The following RMDN1 variants were observed in gnomAD, a reference collection of about 807,000 sequenced individuals.
The protein encoded by RMDN1 is regulator of microtubule dynamics 1, also known as regulator of microtubule dynamics protein 1.
In RMDN1, 48 loss-of-function variants were observed where a neutral mutation model predicts 48.9. That is an observed-to-expected ratio of 0.98 (90% confidence interval 0.78 to 1.25). RMDN1 has a LOEUF of 1.25. RMDN1 is among the 50% of genes most tolerant of loss of function. RMDN1 has a pLI of 0.00. For synonymous variants in RMDN1, 148 were observed against 132.6 expected (o/e 1.12, Z -0.80); for missense variants, 418 against 373.4 (o/e 1.12, Z -0.98).
Position 86,473,688 on chromosome 8 carries a change from C to A in RMDN1, c.*620G>T. The A allele has an allele frequency of 4.5e-6, 2 of 448,442 alleles. No individual in the cohort carries two copies. Among genetic ancestry groups the A allele is most frequent in the Non-Finnish European group, 5.9e-6 (2 of 339,434 alleles). 27.8% of individuals were successfully genotyped at this position (448,442 alleles called of 1,614,324 possible). On this transcript the variant is annotated 3_prime_UTR_variant, in exon 10 of 10. Coordinates refer to ENST00000406452, the MANE Select transcript of RMDN1 (RefSeq NM_016033.3). ...GGCTAAGGCAGGAGAATCACTTGAACCCGGGAGGCGGAGGCTGCAGTGGGC... is the reference window on the plus strand; with the variant it reads ...GGCTAAGGCAGGAGAATCACTTGAAACCGGGAGGCGGAGGCTGCAGTGGGC...
chr8:86,506,227 G>C (rs1819328317), intron 2 of RMDN1, among the ~76,000 whole-genome samples: 1 of 152,178 alleles, frequency 6.6e-6, no homozygotes, highest in Admixed American at 6.5e-5. Flanking sequence ...TGTGCTTTAG[G>C]AGATTTTAGG....
chr8:86,512,975 G>T (rs549403015), upstream of RMDN1, among the ~76,000 whole-genome samples: 152 of 151,914 alleles, frequency 1.0e-3, no homozygotes, highest in Non-Finnish European at 1.4e-3. Flanking sequence ...TTTTACTTAA[G>T]AATGTCTGTG....
intron 8 of RMDN1, among the ~76,000 whole-genome samples, chr8:86,477,040 G>A (rs1369018920): frequency 6.6e-6 from 1 of 152,120 alleles, no homozygotes; most frequent in East Asian, 1.9e-4. Flanking sequence ...CCATGTCAGA[G>A]ACTGCTCTCA....
At position 86,508,510 on chromosome 8, in the gene RMDN1, A is replaced by C; in HGVS notation, c.111T>G (p.Cys37Trp). Residue 37 changes from cysteine (C) to tryptophan (W), a missense_variant, in exon 1 of 10, where the codon TGT becomes TGG. Coordinates refer to ENST00000406452, the MANE Select transcript of RMDN1 (RefSeq NM_016033.3). Reference sequence around the variant, plus strand: ...GGGGTACCTCGAAGCCGCGGAATCGACAGGGGCCGCAATGCCCGCGGCTGC... The same window carrying C: ...GGGGTACCTCGAAGCCGCGGAATCGCCAGGGGCCGCAATGCCCGCGGCTGC... ...TSGSRGHCGPCRFRGFEVMGN... is the reference protein window; with the variant it reads ...TSGSRGHCGPWRFRGFEVMGN... The C allele has an allele frequency of 6.4e-7, 1 of 1,559,132 alleles. No individual in the cohort carries two copies. Among genetic ancestry groups the C allele is most frequent in the Non-Finnish European group, 8.7e-7 (1 of 1,153,698 alleles).
chr8:86,501,021 GAAC>G (rs1818121045), intron 2 of RMDN1, among the ~76,000 whole-genome samples: 1 of 152,204 alleles, frequency 6.6e-6, no homozygotes, highest in South Asian at 2.1e-4. Flanking sequence ...ACAAAGACAA[GAAC>G]AATAGACGCT....
In RMDN1 at chr8:86,474,570, G is replaced by A. The variant is rs574912243; in HGVS notation, c.895-212C>T. The A allele has an allele frequency of 2.4e-5, 17 of 700,274 alleles. No homozygotes were observed. In the African/African-American group the frequency reaches 2.8e-4, roughly 12 times the overall value. 43.4% of individuals were successfully genotyped at this position (700,274 alleles called of 1,614,324 possible). On this transcript the variant is annotated intron_variant, in intron 9 of 9. Coordinates refer to ENST00000406452, the MANE Select transcript of RMDN1 (RefSeq NM_016033.3). ...TTTTATGTTTTAGAAATGTTAACTCGATCTGCCATGTGTGTCAAACAGGAA... is the reference window on the plus strand; with the variant it reads ...TTTTATGTTTTAGAAATGTTAACTCAATCTGCCATGTGTGTCAAACAGGAA...
chr8:86,494,855 T>C (rs1054237578), intron 2 of RMDN1: 1 of 366,096 alleles, frequency 2.7e-6, no homozygotes, highest in Admixed American at 3.9e-5. Flanking sequence ...ATGCCTGTAA[T>C]CCCAGCTACT....
Position 86,484,881 on chromosome 8 carries a change from C to T in RMDN1, c.576G>A (p.Glu192=). Residue 192 remains glutamate (E), a synonymous_variant, in exon 5 of 10, where the codon GAG becomes GAA. Transcript: ENST00000406452. ...AATAATTCATCAGTACCTCAAAATGCTCCTTGATGATATATGCATTTGCAA... is the reference window on the plus strand; with the variant it reads ...AATAATTCATCAGTACCTCAAAATGTTCCTTGATGATATATGCATTTGCAA... ...AKIANAYIIK[E]HFEKAIELNP... 1 of 1,580,360 alleles carries T rather than the reference C, an allele frequency of 6.3e-7. No individual in the cohort carries two copies. Among genetic ancestry groups the T allele is most frequent in the South Asian group, 1.1e-5 (1 of 88,008 alleles).
In RMDN1 at chr8:86,472,349, T is replaced by G; in HGVS notation, c.*1959A>C. The G allele has an allele frequency of 1.5e-6, 1 of 683,666 alleles. No homozygotes were observed. Among genetic ancestry groups the G allele is most frequent in the African/African-American group, 1.8e-5 (1 of 56,626 alleles). 42.3% of individuals were successfully genotyped at this position (683,666 alleles called of 1,614,324 possible). A position where few individuals can be genotyped will look rare whatever the true frequency, so the allele number is the denominator to read the frequency against. On this transcript the variant is annotated 3_prime_UTR_variant, in exon 10 of 10. Coordinates refer to ENST00000406452, the MANE Select transcript of RMDN1 (RefSeq NM_016033.3). ...CTCACATAACAGGTCACAGTCAAAA[T>G]GCAGGTGCACAACACAGTTTATTCG...
At chr8:86,505,273 T>G in intron 2 of RMDN1, 1 of 484,646 alleles carries the variant, frequency 2.1e-6, no homozygotes, top group Non-Finnish European at 3.9e-6. Flanking sequence ...CATTCTCTTC[T>G]GCTTAGGAGA....
intron 2 of RMDN1, among the ~76,000 whole-genome samples, chr8:86,493,683 T>G (rs1382671146): frequency 6.6e-6 from 1 of 152,188 alleles, no homozygotes; most frequent in Non-Finnish European, 1.5e-5. Context: ...AGAGCCAACA[T>G]GATGCCACAA....
upstream of RMDN1, chr8:86,508,899 T>C: frequency 1.3e-6 from 1 of 768,702 alleles, no homozygotes; most frequent in Non-Finnish European, 1.7e-6. Context: ...TCTGACTTGT[T>C]TCTGCTCCAT....
Position 86,508,621 on chromosome 8 carries a change from G to T in RMDN1, c.-1C>A, listed in dbSNP as rs145029250. 1 of 1,600,018 alleles carries T rather than the reference G, an allele frequency of 6.2e-7. No individual in the cohort carries two copies. The highest frequency in any genetic ancestry group is 2.3e-5 in the East Asian group (1 of 44,196). On this transcript the variant is annotated 5_prime_UTR_variant, in exon 1 of 10. Coordinates refer to ENST00000406452, the MANE Select transcript of RMDN1 (RefSeq NM_016033.3). ...GCCACAGTCGAGCAGCCAGCGCCAT[G>T]ACCTGCAACTTGCGGGCTGACCCTG...
intron 2 of RMDN1, among the ~76,000 whole-genome samples, chr8:86,503,267 G>A (rs1818585344): frequency 1.3e-5 from 2 of 151,494 alleles, no homozygotes; most frequent in Non-Finnish European, 2.9e-5. Context: ...CAGGAGAATG[G>A]CTAGAACCTG....
downstream of RMDN1, among the ~76,000 whole-genome samples, chr8:86,471,861 C>T (rs1812608876): frequency 6.6e-6 from 1 of 152,106 alleles, no homozygotes; most frequent in African/African-American, 2.4e-5. Context: ...ACCGGACTGG[C>T]CTATTCAAAA....
chr8:86,478,314 G>GAA (rs540956173), intron 7 of RMDN1: 1 of 151,580 alleles, frequency 6.6e-6, no homozygotes, highest in African/African-American at 2.4e-5. Context: ...TTCCCAGAAA[G>GAA]AAAAAAAAGC....
chr8:86,486,390 A>G (rs1815463874), intron 4 of RMDN1, 94 bp downstream of exon 4: 1 of 877,666 alleles, frequency 1.1e-6, no homozygotes, highest in South Asian at 4.7e-5. Flanking sequence ...CTTAAAATAG[A>G]GAAATTGTTC....
downstream of RMDN1, among the ~76,000 whole-genome samples, chr8:86,468,894 C>A (rs1812314499): frequency 1.3e-5 from 2 of 152,144 alleles, no homozygotes. Flanking sequence ...CATTCCTGTT[C>A]TGTGCTGGAC....
chr8:86,499,793 A>C (rs1817920518), intron 2 of RMDN1, among the ~76,000 whole-genome samples: 1 of 152,202 alleles, frequency 6.6e-6, no homozygotes, highest in Non-Finnish European at 1.5e-5. Context: ...TTCAAACTAT[A>C]CTACGAGACA....
Sources: gnomAD v4.1 joint callset for allele counts (sites outside exome capture counted in the v4.1 genomes callset) on GRCh38, gnomAD v4.1.1 for gene constraint, MANE v1.5 for transcripts, NCBI Gene and HGNC (gene_info 2026-07-23, HGNC 2026-07-21) for gene names.